ST18: variants seen among roughly 807,000 people sequenced by gnomAD.
The protein encoded by ST18 is suppression of tumorigenicity 18 protein.
Under a neutral mutation model 110.0 loss-of-function variants are expected in ST18, and 50 were observed. That is an observed-to-expected ratio of 0.45 (90% CI 0.36 to 0.58). The LOEUF (loss-of-function observed/expected upper bound fraction) is 0.58. ST18 is among the 20% of genes least tolerant of loss of function. The pLI, the probability that ST18 is intolerant of heterozygous loss-of-function variation, is 0.00. For synonymous variants in ST18, 461 were observed against 452.4 expected (o/e 1.02, Z -0.24); for missense variants, 1,306 against 1,280.1 (o/e 1.02, Z -0.31).
chr8:52,316,765 T>C (rs1034543657), intron 2 of ST18, among the ~76,000 whole-genome samples: 1 of 152,240 alleles, frequency 6.6e-6, no homozygotes, highest in Non-Finnish European at 1.5e-5. Context: ...TCTAGCTCAG[T>C]GGTCATGTGC....
chr8:52,247,620 T>C (rs1412080032), intron 2 of ST18, among the ~76,000 whole-genome samples: 1 of 152,190 alleles, frequency 6.6e-6, no homozygotes, highest in Non-Finnish European at 1.5e-5. Flanking sequence ...AAATAAATTG[T>C]AATACATGAG....
At position 52,137,403 on chromosome 8, in the gene ST18, C is replaced by T; in HGVS notation, c.2231+18G>A. 3 of 1,613,878 alleles carry T rather than the reference C, an allele frequency of 1.9e-6. No homozygotes were observed. Among genetic ancestry groups the T allele is most frequent in the Non-Finnish European group, 2.5e-6 (3 of 1,179,830 alleles). On this transcript the variant is annotated intron_variant, in intron 18 of 25. Transcript: ENST00000689386. ...ACAAGACCATGAAAATCTGACTGCA[C>T]ATGAGGTCATTGGGTACCTGCGATG... is the stretch of plus-strand genomic sequence containing the variant.
chr8:52,298,335 G>C (rs2095665167), intron 2 of ST18, among the ~76,000 whole-genome samples: 1 of 152,170 alleles, frequency 6.6e-6, no homozygotes, highest in African/African-American at 2.4e-5. Context: ...TCAAAGCATG[G>C]AATATTAAGT....
At chr8:52,186,449 C>T (rs937276852) in intron 8 of ST18, among the ~76,000 whole-genome samples, 1 of 152,158 alleles carries the variant, frequency 6.6e-6, no homozygotes, top group Non-Finnish European at 1.5e-5. Context: ...GCAACTGGAA[C>T]GCTCATACAC....
At chr8:52,175,985 T>C (rs1401702894) in intron 9 of ST18, among the ~76,000 whole-genome samples, 1 of 151,866 alleles carries the variant, frequency 6.6e-6, no homozygotes, top group Non-Finnish European at 1.5e-5. Flanking sequence ...TTTTCAAGAG[T>C]GAATTTATAT....
At chr8:52,154,483 C>T (rs561485601) in intron 15 of ST18, 11 of 152,210 alleles carry the variant, frequency 7.2e-5, no homozygotes, top group African/African-American at 2.4e-4. Flanking sequence ...GACTGCAAGG[C>T]CTGTTCCTAC....
At chr8:52,199,828 T>G (rs144014827) in intron 8 of ST18, among the ~76,000 whole-genome samples, 4 of 152,310 alleles carry the variant, frequency 2.6e-5, no homozygotes, top group African/African-American at 9.6e-5. Flanking sequence ...TGCCTCACAC[T>G]GTTGTTTAGC....
chr8:52,117,101 A>G (rs1442936961), intron 24 of ST18, among the ~76,000 whole-genome samples: 1 of 152,124 alleles, frequency 6.6e-6, no homozygotes, highest in African/African-American at 2.4e-5. Flanking sequence ...ATGGCCTAAG[A>G]TGCCCCGTGT....
At chr8:52,315,225 C>T (rs568138372) in intron 2 of ST18, among the ~76,000 whole-genome samples, 4 of 152,298 alleles carry the variant, frequency 2.6e-5, no homozygotes, top group Admixed American at 1.3e-4. Flanking sequence ...TTCAACAAGG[C>T]TTTGCCGTAT....
At chr8:52,388,688 A>G (rs1029908540) in intron 2 of ST18, among the ~76,000 whole-genome samples, 5 of 151,458 alleles carry the variant, frequency 3.3e-5, no homozygotes, top group Admixed American at 6.6e-5. Flanking sequence ...AGGAGAGAGA[A>G]GTCTACTCAG....
At chr8:52,408,679 T>C (rs1260358037) in intron 2 of ST18, among the ~76,000 whole-genome samples, 1 of 152,202 alleles carries the variant, frequency 6.6e-6, no homozygotes, top group Non-Finnish European at 1.5e-5. Flanking sequence ...AAAATACCCA[T>C]TCAAAAGTCC....
chr8:52,396,308 A>G (rs1386118343), intron 2 of ST18, among the ~76,000 whole-genome samples: 4 of 152,058 alleles, frequency 2.6e-5, no homozygotes, highest in Non-Finnish European at 5.9e-5. Context: ...CCTCACCCCT[A>G]GTAACCACTA....
At chr8:52,404,180 T>C (rs1022426081) in intron 2 of ST18, 1 of 152,196 alleles carries the variant, frequency 6.6e-6, no homozygotes, top group African/African-American at 2.4e-5. Flanking sequence ...CCACCATTAA[T>C]TAAAAATAAA....
chr8:52,189,822 C>A (rs2073876534), intron 8 of ST18, among the ~76,000 whole-genome samples: 1 of 152,182 alleles, frequency 6.6e-6, no homozygotes, highest in East Asian at 1.9e-4. Context: ...GGTGTCCTGG[C>A]TTCACAAATC....
chr8:52,209,711 A>G (rs948609480), intron 8 of ST18, among the ~76,000 whole-genome samples: 4 of 147,616 alleles, frequency 2.7e-5, no homozygotes, highest in Non-Finnish European at 5.9e-5. Context: ...CGGAGGTTGC[A>G]GTGAACCGAG....
chr8:52,126,080 G>C lies in ST18; in HGVS notation c.2727C>G (p.Leu909=). ...VIKKGKVSEE[L]MTIKLKATGG... is the part of the protein sequence containing the mutation. The stretch of plus-strand genomic sequence containing the variant: ...CAGTTGCTTTGAGCTTGATGGTCAT[G>C]AGTTCTTCAGAAACCTTGCCCTTTT... The change falls in exon 23 of 26, where the codon CTC becomes CTG. Residue 909 remains leucine (L), a synonymous_variant. Coordinates refer to ENST00000689386, the MANE Select transcript of ST18 (RefSeq NM_001352837.2). 6.2e-7 allele frequency: 1 copy of C among 1,614,134 alleles called. No individual in the cohort carries two copies. Among genetic ancestry groups the C allele is most frequent in the Non-Finnish European group, 8.5e-7 (1 of 1,180,012 alleles).
At chr8:52,193,724 C>T (rs139491911) in intron 8 of ST18, among the ~76,000 whole-genome samples, 9 of 152,314 alleles carry the variant, frequency 5.9e-5, no homozygotes, top group African/African-American at 1.2e-4. Context: ...AGAGAGTTAA[C>T]GGGCCACTGT....
chr8:52,253,234 G>A (rs2094401407), intron 2 of ST18, among the ~76,000 whole-genome samples: 1 of 151,898 alleles, frequency 6.6e-6, no homozygotes, highest in Non-Finnish European at 1.5e-5. Flanking sequence ...ATCAAAGTAA[G>A]CACCTATAAT....
At chr8:52,327,125 T>C (rs1187648769) in intron 2 of ST18, among the ~76,000 whole-genome samples, 2 of 152,238 alleles carry the variant, frequency 1.3e-5, no homozygotes, top group African/African-American at 4.8e-5. Context: ...GCAAAAGTGA[T>C]AATTCTTCTA....
Sources: allele counts gnomAD v4.1 joint callset (sites outside exome capture counted in the v4.1 genomes callset), GRCh38; gene constraint gnomAD v4.1.1; transcripts MANE v1.5; gene names NCBI Gene and HGNC (gene_info 2026-07-23, HGNC 2026-07-21).